Variants in YBX3 observed in about 807,000 individuals in gnomAD.
YBX3 encodes Y-box binding protein 3, also known as Y-box-binding protein 3.
YBX3 carries 29 observed loss-of-function variants against 42.4 expected under a neutral mutation model. The observed-to-expected ratio is 0.68, with a 90% CI of 0.51 to 0.93. YBX3 has a LOEUF of 0.93. Ranked by LOEUF, YBX3 falls within the 40% of genes least tolerant of loss-of-function variation. YBX3 has a pLI of 0.00. For synonymous variants in YBX3, 195 were observed against 189.8 expected, an observed-to-expected ratio of 1.03 and a Z score of -0.22; for missense variants, 517 against 527.5, an observed-to-expected ratio of 0.98 and a Z score of 0.19.
intron 8 of YBX3, 131 bp downstream of exon 8, chr12:10,701,819 CCTATATATAT>C: frequency 2.1e-6 from 2 of 936,378 alleles, no homozygotes; most frequent in Admixed American, 4.7e-5. Flanking sequence ...CAAGGCATAC[CCTATATATAT>C]GGATCTTGAG....
At chr12:10,701,817 A>G in intron 8 of YBX3, 143 bp downstream of exon 8, 1 of 918,386 alleles carries the variant, frequency 1.1e-6, no homozygotes, top group South Asian at 1.7e-5. Context: ...TACAAGGCAT[A>G]CCCTATATAT....
At chr12:10,719,614 A>G (rs950436340) in intron 1 of YBX3, among the ~76,000 whole-genome samples, 1 of 152,222 alleles carries the variant, frequency 6.6e-6, no homozygotes, top group African/African-American at 2.4e-5. Context: ...GGCAATCTAC[A>G]AAGACGTAAA....
At position 10,722,887 on chromosome 12, in the gene YBX3, G is replaced by C. The variant is rs556926979; in HGVS notation, c.225C>G (p.Thr75=). 9.2e-5 allele frequency: 134 copies of C among 1,462,110 alleles called. No homozygotes were observed. In the Middle Eastern group the frequency reaches 1.6e-3, roughly 18 times the overall value. 90.6% of individuals were successfully genotyped at this position (1,462,110 alleles called of 1,614,324 possible). The part of the protein sequence containing the change: ...TGTAAAASLA[T]AAGSEDAEKK... ...TCTCCGCGTCTTCGCTGCCGGCGGC[G>C]GTGGCTAAAGAGGCGGCGGCCGCGG... is the stretch of plus-strand genomic sequence containing the variant. Residue 75 remains threonine, a synonymous_variant, in exon 1 of 10, where the codon ACC becomes ACG. Transcript: ENST00000228251.
intron 6 of YBX3, 115 bp downstream of exon 6, chr12:10,709,793 A>G: frequency 7.8e-7 from 1 of 1,274,448 alleles, no homozygotes. Context: ...TTGTAGCATC[A>G]GGAAGCCATA....
Position 10,719,105 on chromosome 12 carries a change from T to C in YBX3, c.301A>G (p.Arg101Gly), listed in dbSNP as rs929583453. ...VLGTVKWFNVRNGYGFINRND... is the reference protein window; with the variant it reads ...VLGTVKWFNVGNGYGFINRND... ...CGATTTATAAATCCATATCCATTTCTGACGTTGAACCATTTGACAGTGCCA... is the reference window on the plus strand; with the variant it reads ...CGATTTATAAATCCATATCCATTTCCGACGTTGAACCATTTGACAGTGCCA... Residue 101 changes from arginine to glycine, a missense_variant, in exon 2 of 10, where the codon AGA becomes GGA. This residue lies in a region of YBX3 where 420 missense variants were observed against 408.5 expected (regional missense o/e 1.03). Coordinates refer to ENST00000228251, the MANE Select transcript of YBX3 (RefSeq NM_003651.5). 1.2e-6 allele frequency: 2 copies of C among 1,613,484 alleles called. No homozygotes were observed. The highest frequency in any genetic ancestry group is 1.7e-6 in the Non-Finnish European group (2 of 1,179,730).
At chr12:10,706,992 G>A (rs1948145333) in intron 6 of YBX3, among the ~76,000 whole-genome samples, 1 of 151,470 alleles carries the variant, frequency 6.6e-6, no homozygotes, top group African/African-American at 2.4e-5. Flanking sequence ...ACTCCAGCCT[G>A]GGTGACAGAG....
At chr12:10,722,573 A>T (rs1948340202) in intron 1 of YBX3, among the ~76,000 whole-genome samples, 1 of 152,184 alleles carries the variant, frequency 6.6e-6, no homozygotes, top group Non-Finnish European at 1.5e-5. Context: ...TGGGAGACAG[A>T]AGTTAAGACC....
At chr12:10,700,362 T>G (rs1948065008) in intron 9 of YBX3, among the ~76,000 whole-genome samples, 1 of 152,114 alleles carries the variant, frequency 6.6e-6, no homozygotes, top group South Asian at 2.1e-4. Context: ...AAAATAGCAT[T>G]GACACTGAGT....
chr12:10,703,247 T>A (rs900866557), intron 7 of YBX3: 6 of 152,354 alleles, frequency 3.9e-5, no homozygotes, highest in African/African-American at 1.4e-4. Context: ...ACTGACAAAT[T>A]TCAAGGTAGC....
intron 1 of YBX3, among the ~76,000 whole-genome samples, chr12:10,720,324 T>G (rs1248301862): frequency 6.6e-6 from 1 of 152,140 alleles, no homozygotes; most frequent in Non-Finnish European, 1.5e-5. Flanking sequence ...CTGATACACT[T>G]GGGAAAATAC....
chr12:10,705,547 T>A (rs1948127914), intron 6 of YBX3, among the ~76,000 whole-genome samples: 1 of 152,234 alleles, frequency 6.6e-6, no homozygotes, highest in African/African-American at 2.4e-5. Flanking sequence ...CACTGCATCC[T>A]GTCAGGTGGC....
intron 2 of YBX3, 183 bp from the exon 3 acceptor site, chr12:10,718,304 C>A (rs112952981): frequency 2.2e-6 from 1 of 453,722 alleles, no homozygotes; most frequent in Non-Finnish European, 4.0e-6. Flanking sequence ...ACAGGCCACC[C>A]ACCTTCCTCC....
Position 10,723,192 on chromosome 12 carries a change from G to C in YBX3, c.-81C>G, listed in dbSNP as rs1007110095. On this transcript the variant is annotated 5_prime_UTR_variant, in exon 1 of 10. Coordinates refer to ENST00000228251, the MANE Select transcript of YBX3 (RefSeq NM_003651.5). Reference sequence around the variant, plus strand: ...AGCGCGGCTGGTGGTCGCGGCGGCCGGGGCTCGCTCTCGGGGAGGCCGGGG... The same window carrying C: ...AGCGCGGCTGGTGGTCGCGGCGGCCCGGGCTCGCTCTCGGGGAGGCCGGGG... 1 of 1,178,830 alleles carries C rather than the reference G, an allele frequency of 8.5e-7. No individual in the cohort carries two copies. Among genetic ancestry groups the C allele is most frequent in the Non-Finnish European group, 1.0e-6 (1 of 953,956 alleles). The allele number at this position is 1,178,830 out of a possible 1,614,324, so 73.0% of individuals were successfully genotyped here. A position where few individuals can be genotyped will look rare whatever the true frequency, so the allele number is the denominator to read the frequency against.
At position 10,699,600 on chromosome 12, in the gene YBX3, G is replaced by T. The variant is rs1025783893; in HGVS notation, c.*89C>A. 2 of 152,606 alleles carry T rather than the reference G, an allele frequency of 1.3e-5. No individual in the cohort carries two copies. Among genetic ancestry groups the T allele is most frequent in the African/African-American group, 2.4e-5 (1 of 41,436 alleles). 9.5% of individuals were successfully genotyped at this position (152,606 alleles called of 1,614,324 possible). A position where few individuals can be genotyped will look rare whatever the true frequency, so the allele number is the denominator to read the frequency against. On this transcript the variant is annotated 3_prime_UTR_variant, in exon 10 of 10. Coordinates refer to ENST00000228251, the MANE Select transcript of YBX3 (RefSeq NM_003651.5). ...TGGATGTTTCTTTGGTGTTGGTTAA[G>T]GTTGTGGCCTGCTTTTTGCTTTATT...
In YBX3 at chr12:10,714,887, G is replaced by A. The variant is rs958237750; in HGVS notation, c.450+807C>T. Among the ~76,000 whole-genome samples the A allele has an allele frequency of 2.4e-4, 36 of 151,804 alleles. No individual in the cohort carries two copies. The East Asian group carries it at 3.9e-3, about 16-fold the overall frequency. On this transcript the variant is annotated intron_variant, in intron 4 of 9. Coordinates refer to ENST00000228251, the MANE Select transcript of YBX3 (RefSeq NM_003651.5). ...TCCTGCCTCAGCCTCCTGAGTAGCC[G>A]GAATTACAGGAGTGCGACCACACTC...
At chr12:10,709,449 C>T (rs1948173388) in intron 6 of YBX3, among the ~76,000 whole-genome samples, 1 of 152,216 alleles carries the variant, frequency 6.6e-6, no homozygotes, top group African/African-American at 2.4e-5. Flanking sequence ...CTGCAGGCAT[C>T]TCTTTTGCTA....
chr12:10,703,555 T>A (rs1381769821), intron 7 of YBX3: 1 of 440,484 alleles, frequency 2.3e-6, no homozygotes, highest in Admixed American at 2.5e-5. Flanking sequence ...ATCTCTTTGT[T>A]TTCAGACAGG....
At position 10,701,808 on chromosome 12, in the gene YBX3, AC is replaced by A. The variant is rs1948082141; in HGVS notation, c.1053+151del. The A allele has an allele frequency of 1.2e-5, 10 of 865,002 alleles. No homozygotes were observed. In the East Asian group the frequency reaches 2.5e-4, roughly 22 times the overall value. 53.6% of individuals were successfully genotyped at this position (865,002 alleles called of 1,614,324 possible). On this transcript the variant is annotated intron_variant, in intron 8 of 9. Transcript: ENST00000228251. ...TTCAAATATGTGGTCTGTGTTATGT[AC>A]AAGGCATACCCTATATATATGGATC...
intron 1 of YBX3, among the ~76,000 whole-genome samples, chr12:10,720,449 T>C (rs1373742694): frequency 1.3e-5 from 2 of 152,004 alleles, no homozygotes; most frequent in Admixed American, 1.3e-4. Context: ...ATTCCAAAGA[T>C]CTCTCATCTC....
Sources: gnomAD v4.1 joint callset for allele counts (sites outside exome capture counted in the v4.1 genomes callset) on GRCh38, gnomAD v4.1.1 for gene constraint, gnomAD v4.1.1 regional missense constraint, MANE v1.5 for transcripts, NCBI Gene and HGNC (gene_info 2026-07-23, HGNC 2026-07-21) for gene names.